The following FBXO22 variants were observed in gnomAD, a reference collection of about 807,000 sequenced individuals.
FBXO22 encodes the protein F-box only protein 22.
FBXO22 carries 13 observed loss-of-function variants against 37.2 expected under a neutral mutation model. That is an observed-to-expected ratio of 0.35 (90% confidence interval 0.23 to 0.56). FBXO22 has a LOEUF of 0.56. Among genes scored for constraint, FBXO22 ranks in the 20% least tolerant of loss-of-function variants. The pLI, the probability that FBXO22 is intolerant of heterozygous loss-of-function variation, is 0.87. For synonymous variants in FBXO22, 189 were observed against 189.1 expected, an observed-to-expected ratio of 1.00 and a Z score of 0.00; for missense variants, 446 against 509.9, an observed-to-expected ratio of 0.87 and a Z score of 1.21.
At position 75,933,077 on chromosome 15, in the gene FBXO22, T is replaced by G; in HGVS notation, c.1187T>G (p.Leu396Arg). The G allele has an allele frequency of 1.2e-6, 2 of 1,613,034 alleles. No individual in the cohort carries two copies. Among genetic ancestry groups the G allele is most frequent in the Non-Finnish European group, 1.7e-6 (2 of 1,179,340 alleles). Residue 396 changes from leucine to arginine, a missense_variant, in exon 7 of 7, where the codon CTC becomes CGC. Leu to Arg is a moderately radical substitution (Grantham distance 102, BLOSUM62 -2). Transcript: ENST00000308275. ...LFHSYTTIMA[L>R]IHLGSSK The stretch of plus-strand genomic sequence containing the variant: ...CATAGCTATACAACAATAATGGCAC[T>G]CATACATCTGGGGTCATCTAAATAA...
intron 5 of FBXO22, among the ~76,000 whole-genome samples, chr15:75,928,171 C>T (rs335676): frequency 0.92 from 140,524 of 152,164 alleles, 65,476 homozygotes; most frequent in East Asian, 1. Flanking sequence ...TTAGTTCAGC[C>T]ATTGTGGAAG....
At chr15:75,912,217 G>A (rs1464554008) in intron 2 of FBXO22, among the ~76,000 whole-genome samples, 3 of 151,980 alleles carry the variant, frequency 2.0e-5, no homozygotes, top group African/African-American at 7.3e-5. Flanking sequence ...CAGGGATATT[G>A]GCCTGAAATT....
Position 75,916,055 on chromosome 15 carries a change from CAAAAAAAA to C in FBXO22, c.464-1158_464-1151del, listed in dbSNP as rs10591372. 2.7e-3 allele frequency among the ~76,000 whole-genome samples: 166 copies of C among 61,022 alleles called. 1 individual carries two copies. The highest frequency in any genetic ancestry group is 0.011 in the African/African-American group (161 of 14,664). The allele number at this position is 61,022 out of a possible 152,430, so 40.0% of individuals were successfully genotyped here. On this transcript the variant is annotated intron_variant, in intron 4 of 6. Transcript: ENST00000308275. Reference sequence around the variant, plus strand: ...GGGTGACAGAGTAAGACTCTGTCTCCAAAAAAAAAAAAAAAAAAAAAAAAGTTTATTTC... The same window carrying C: ...GGGTGACAGAGTAAGACTCTGTCTCCAAAAAAAAAAAAAAAAGTTTATTTC...
chr15:75,914,226 G>C (rs756762659), intron 4 of FBXO22, 21 bp downstream of exon 4: 9 of 1,557,806 alleles, frequency 5.8e-6, no homozygotes, highest in Non-Finnish European at 8.0e-6. Context: ...TTAGCAACTT[G>C]ATGATTTCTT....
Position 75,933,426 on chromosome 15 carries a change from CA to C in FBXO22, c.*326del. 1 of 263,708 alleles carries C rather than the reference CA, an allele frequency of 3.8e-6. No homozygotes were observed. The highest frequency in any genetic ancestry group is 7.3e-6 in the Non-Finnish European group (1 of 137,460). The allele number at this position is 263,708 out of a possible 1,614,324, so 16.3% of individuals were successfully genotyped here. A position where few individuals can be genotyped will look rare whatever the true frequency, so the allele number is the denominator to read the frequency against. On this transcript the variant is annotated 3_prime_UTR_variant, in exon 7 of 7. Transcript: ENST00000308275. ...ATAGGAAGAGCAAAAGGGTATTCAT[CA>C]ATAGGATATAGATTTAAGACATTCC... is the stretch of plus-strand genomic sequence containing the variant.
chr15:75,910,845 A>G (rs768299277), intron 2 of FBXO22, among the ~76,000 whole-genome samples: 25 of 152,300 alleles, frequency 1.6e-4, no homozygotes, highest in Non-Finnish European at 2.2e-4. Context: ...GCCCATGCCT[A>G]TGTCCTGAAT....
intron 2 of FBXO22, among the ~76,000 whole-genome samples, chr15:75,908,547 G>A (rs1238839934): frequency 3.3e-5 from 5 of 152,176 alleles, no homozygotes; most frequent in Admixed American, 6.5e-5. Context: ...TGATATTACA[G>A]GCGTGAGCCA....
chr15:75,927,538 A>G (rs1900470378), intron 5 of FBXO22, among the ~76,000 whole-genome samples: 1 of 152,170 alleles, frequency 6.6e-6, no homozygotes, highest in Admixed American at 6.5e-5. Context: ...CCTTGTTTGT[A>G]AAATAAAACT....
At chr15:75,929,668 A>G (rs2029940455) in intron 5 of FBXO22, among the ~76,000 whole-genome samples, 1 of 152,152 alleles carries the variant, frequency 6.6e-6, no homozygotes, top group Admixed American at 6.6e-5. Context: ...AATAATTAAG[A>G]TTTTGCATAA....
rs1031900066 is a variant in FBXO22 at position 75,904,022 on chromosome 15, C to T, written c.59C>T (p.Thr20Ile). 2.5e-6 allele frequency: 4 copies of T among 1,577,522 alleles called. No individual in the cohort carries two copies. The highest frequency in any genetic ancestry group is 1.8e-5 in the Admixed American group (1 of 54,384). Residue 20 changes from threonine (T) to isoleucine (I), a missense_variant, in exon 1 of 7, where the codon ACC becomes ATC. Coordinates refer to ENST00000308275, the MANE Select transcript of FBXO22 (RefSeq NM_147188.3). Reference protein sequence around the residue: ...CRGSSVDPRSTFVLSNLAEVV... With the variant: ...CRGSSVDPRSIFVLSNLAEVV... ...GGCTCCTCCGTAGACCCGCGGAGCA[C>T]CTTCGTGTTGAGTAACCTGGCGGAG...
chr15:75,921,926 A>G (rs1037630555), intron 5 of FBXO22, among the ~76,000 whole-genome samples: 2 of 151,904 alleles, frequency 1.3e-5, no homozygotes, highest in East Asian at 1.9e-4. Flanking sequence ...GTCATTTCCT[A>G]TGACAACAGT....
chr15:75,910,546 G>T (rs932403293), intron 2 of FBXO22: 1 of 152,138 alleles, frequency 6.6e-6, no homozygotes, highest in Non-Finnish European at 1.5e-5. Flanking sequence ...TCGTATGTTT[G>T]TTGGCCACAT....
chr15:75,913,932 A>G (rs1900125830), intron 3 of FBXO22, among the ~76,000 whole-genome samples, 178 bp from the exon 4 acceptor site: 1 of 152,244 alleles, frequency 6.6e-6, no homozygotes, highest in African/African-American at 2.4e-5. Flanking sequence ...TTTATAATTT[A>G]AAAGCCAGGA....
At chr15:75,928,469 A>G (rs561006220) in intron 5 of FBXO22, among the ~76,000 whole-genome samples, 7 of 152,308 alleles carry the variant, frequency 4.6e-5, no homozygotes, top group South Asian at 2.1e-4. Flanking sequence ...ATCATTAGCA[A>G]ACTAACACAG....
At chr15:75,926,662 A>G (rs1324519245) in intron 5 of FBXO22, among the ~76,000 whole-genome samples, 3 of 152,176 alleles carry the variant, frequency 2.0e-5, no homozygotes, top group African/African-American at 7.2e-5. Flanking sequence ...TCCGGGAAAA[A>G]CACTAGTCAC....
chr15:75,916,417 A>G (rs116366137), intron 4 of FBXO22, among the ~76,000 whole-genome samples: 1 of 152,134 alleles, frequency 6.6e-6, no homozygotes, highest in Admixed American at 6.5e-5. Context: ...CTGTGTTCTC[A>G]TGTGGCCTTT....
At chr15:75,921,448 C>T (rs1420923738) in intron 5 of FBXO22, among the ~76,000 whole-genome samples, 2 of 152,032 alleles carry the variant, frequency 1.3e-5, no homozygotes, top group Non-Finnish European at 2.9e-5. Context: ...GGATCCCTTG[C>T]GATCAGGAAT....
In FBXO22 at chr15:75,936,141, G is replaced by A. The variant is rs542897772; in HGVS notation, c.*3039G>A. 12 of 152,260 alleles carry A rather than the reference G, an allele frequency of 7.9e-5. No individual in the cohort carries two copies. The East Asian group carries it at 2.1e-3, about 27-fold the overall frequency. 9.4% of individuals were successfully genotyped at this position (152,260 alleles called of 1,614,324 possible). ...CAGAAATTTTTAAGAATATAAATAT[G>A]CTTTTGTCATTTTATACCCAGTCTG... On this transcript the variant is annotated 3_prime_UTR_variant, in exon 7 of 7. Coordinates refer to ENST00000308275, the MANE Select transcript of FBXO22 (RefSeq NM_147188.3).
chr15:75,930,273 G>A lies in FBXO22; in HGVS notation c.794+224G>A, dbSNP rs2029967501. 20 of 1,410,684 alleles carry A rather than the reference G, an allele frequency of 1.4e-5. No homozygotes were observed. In the East Asian group the frequency reaches 3.9e-4, roughly 27 times the overall value. The allele number at this position is 1,410,684 out of a possible 1,614,324, so 87.4% of individuals were successfully genotyped here. A position where few individuals can be genotyped will look rare whatever the true frequency, so the allele number is the denominator to read the frequency against. ...TATTGTCCTTCAAGAACTTCCTTGAGTCACATTCTCCTTAAAATTTGACAT... is the reference window on the plus strand; with the variant it reads ...TATTGTCCTTCAAGAACTTCCTTGAATCACATTCTCCTTAAAATTTGACAT... On this transcript the variant is annotated intron_variant, in intron 6 of 6. Transcript: ENST00000308275.
Sources: allele counts gnomAD v4.1 joint callset (sites outside exome capture counted in the v4.1 genomes callset), GRCh38; gene constraint gnomAD v4.1.1; transcripts MANE v1.5; gene names NCBI Gene and HGNC (gene_info 2026-07-23, HGNC 2026-07-21).